The following KIF3A variants were observed in gnomAD, a reference collection of about 807,000 sequenced individuals.
The protein encoded by KIF3A is kinesin family member 3A.
KIF3A carries 27 observed loss-of-function variants against 92.6 expected under a neutral mutation model. The observed-to-expected ratio is 0.29, with a 90% CI of 0.21 to 0.40. The LOEUF is 0.40. Among genes scored for constraint, KIF3A ranks in the 10% least tolerant of loss-of-function variants. The pLI, the probability that KIF3A is intolerant of heterozygous loss-of-function variation, is 1.00. For missense variants in KIF3A, 581 were observed against 872.6 expected (o/e 0.67, Z 4.21); for synonymous variants, 250 against 275.4 (o/e 0.91, Z 0.92).
downstream of KIF3A, among the ~76,000 whole-genome samples, chr5:132,689,058 A>G (rs1581050592): frequency 6.6e-6 from 1 of 152,246 alleles, no homozygotes; most frequent in African/African-American, 2.4e-5. Flanking sequence ...ATTGGGTCAC[A>G]GGAAGCCCAA....
At chr5:132,711,645 A>G (rs1433841120) in intron 8 of KIF3A, among the ~76,000 whole-genome samples, 6 of 152,018 alleles carry the variant, frequency 3.9e-5, no homozygotes, top group African/African-American at 1.4e-4. Context: ...TTAAATATAT[A>G]TATAAATTAT....
chr5:132,737,285 C>G, intron 1 of KIF3A, 129 bp downstream of exon 1: 1 of 1,071,290 alleles, frequency 9.3e-7, no homozygotes. Flanking sequence ...CCACCTCCAC[C>G]GCACGACCGA....
intron 4 of KIF3A, among the ~76,000 whole-genome samples, chr5:132,724,806 A>AAAAAAAAAT (rs59476182): frequency 4.4e-5 from 1 of 22,700 alleles, no homozygotes; most frequent in Non-Finnish European, 8.2e-5. Context: ...AAAAAAAAAA[A>AAAAAAAAAT]ATATATATAT....
intron 15 of KIF3A, 133 bp from the exon 16 acceptor site, chr5:132,700,833 A>G: frequency 1.9e-6 from 1 of 531,208 alleles, no homozygotes; most frequent in Non-Finnish European, 3.3e-6. Context: ...TAACCTTTTT[A>G]TAAATTCTAA....
chr5:132,708,101 G>A (rs2149899143), intron 10 of KIF3A, among the ~76,000 whole-genome samples: 1 of 152,086 alleles, frequency 6.6e-6, no homozygotes, highest in Middle Eastern at 3.4e-3. Context: ...GGCTAACACG[G>A]TGAAACCCCG....
Position 132,736,506 on chromosome 5 carries a change from A to T in KIF3A, c.6+908T>A, listed in dbSNP as rs1189938096. ...CAAGAAGGCAAGCCTCTCTCTTTCC[A>T]AGTTCAAGAACCTGACTGGTGTTGC... On this transcript the variant is annotated intron_variant, in intron 1 of 18. Coordinates refer to ENST00000403231, the MANE Select transcript of KIF3A (RefSeq NM_001300791.2). Among the ~76,000 whole-genome samples, 4 of 152,332 alleles carry T rather than the reference A, an allele frequency of 2.6e-5. No homozygotes were observed. In the South Asian group the frequency reaches 6.2e-4, roughly 24 times the overall value.
At chr5:132,691,990 A>T (rs1171632368), downstream of KIF3A, among the ~76,000 whole-genome samples, 2 of 151,238 alleles carry the variant, frequency 1.3e-5, no homozygotes, top group Non-Finnish European at 2.9e-5. Flanking sequence ...AATTTAATTA[A>T]AAAAAAAGTT....
At chr5:132,725,283 A>G (rs372943607) in intron 4 of KIF3A, among the ~76,000 whole-genome samples, 88 of 152,262 alleles carry the variant, frequency 5.8e-4, no homozygotes, top group African/African-American at 2.1e-3. Context: ...ACAAGCACAA[A>G]CAATCCTTAA....
intron 2 of KIF3A, among the ~76,000 whole-genome samples, chr5:132,732,016 C>G (rs940046754): frequency 2.0e-5 from 3 of 152,038 alleles, no homozygotes; most frequent in Admixed American, 6.6e-5. Flanking sequence ...CCAACATATT[C>G]TTACAAGTAG....
chr5:132,731,207 C>T (rs1434014973), intron 2 of KIF3A, among the ~76,000 whole-genome samples: 1 of 152,236 alleles, frequency 6.6e-6, no homozygotes, highest in South Asian at 2.1e-4. Context: ...ATACCCAAAC[C>T]AGAAAAATGC....
chr5:132,700,457 T>C, intron 16 of KIF3A, 173 bp from the exon 17 acceptor site: 1 of 649,606 alleles, frequency 1.5e-6, no homozygotes, highest in Non-Finnish European at 2.8e-6. Flanking sequence ...ACTCTGACCA[T>C]TTCCACCCAG....
chr5:132,730,415 C>T (rs967334799), intron 2 of KIF3A, among the ~76,000 whole-genome samples: 1 of 150,476 alleles, frequency 6.6e-6, no homozygotes, highest in Admixed American at 6.7e-5. Context: ...GACAGTGAGC[C>T]GAGATCGCGC....
At chr5:132,736,651 C>A in intron 1 of KIF3A, 1 of 350,476 alleles carries the variant, frequency 2.9e-6, no homozygotes, top group Non-Finnish European at 5.9e-6. Flanking sequence ...AAGCACTGTC[C>A]TTCTAGTCTC....
At chr5:132,697,581 T>C (rs1246277974) in intron 18 of KIF3A, 1 of 152,088 alleles carries the variant, frequency 6.6e-6, no homozygotes, top group Non-Finnish European at 1.5e-5. Flanking sequence ...TCTGGGAGGC[T>C]GAGGTGGGCA....
Position 132,702,473 on chromosome 5 carries a change from A to G in KIF3A, c.1758+85T>C, listed in dbSNP as rs572150473. On this transcript the variant is annotated intron_variant, in intron 14 of 18. Transcript: ENST00000403231. The stretch of plus-strand genomic sequence containing the variant: ...TTCTTTTAAATTATAAGCTCACATT[A>G]TGATTATTTATAAATTCTTAATCAA... 1.8e-5 allele frequency: 14 copies of G among 798,402 alleles called. No homozygotes were observed. In the East Asian group the frequency reaches 3.1e-4, roughly 18 times the overall value. The allele number at this position is 798,402 out of a possible 1,614,324, so 49.5% of individuals were successfully genotyped here.
At chr5:132,703,330 C>CT in intron 12 of KIF3A, 133 bp downstream of exon 12, 2 of 742,310 alleles carry the variant, frequency 2.7e-6, no homozygotes, top group Non-Finnish European at 4.3e-6. Flanking sequence ...TACAATGGAC[C>CT]CTTCTATCCA....
At chr5:132,723,552 G>C (rs1252844576) in intron 4 of KIF3A, 1 of 152,176 alleles carries the variant, frequency 6.6e-6, no homozygotes, top group Non-Finnish European at 1.5e-5. Flanking sequence ...AATGGGGAAA[G>C]GATTCCCTAT....
chr5:132,727,599 G>C (rs771049808), intron 2 of KIF3A, among the ~76,000 whole-genome samples: 1 of 152,158 alleles, frequency 6.6e-6, no homozygotes, highest in African/African-American at 2.4e-5. Flanking sequence ...CAGAGCTAGA[G>C]AAACTGACAA....
chr5:132,691,118 G>A (rs1003242627), downstream of KIF3A, among the ~76,000 whole-genome samples: 3 of 152,140 alleles, frequency 2.0e-5, no homozygotes, highest in Admixed American at 1.3e-4. Context: ...TTCTGAATGA[G>A]ATCATGGCAC....
Sources: allele counts gnomAD v4.1 joint callset (sites outside exome capture counted in the v4.1 genomes callset), GRCh38; gene constraint gnomAD v4.1.1; transcripts MANE v1.5; gene names NCBI Gene and HGNC (gene_info 2026-07-23, HGNC 2026-07-21).